The following LRBA variants were observed in gnomAD, a reference collection of about 807,000 sequenced individuals.
The protein encoded by LRBA is LPS responsive beige-like anchor protein.
Under a neutral mutation model 330.0 loss-of-function variants are expected in LRBA, and 176 were observed. That is an observed-to-expected ratio of 0.53 (90% CI 0.47 to 0.60). The LOEUF is 0.60. LRBA is among the 20% of genes least tolerant of loss of function. LRBA has a pLI of 0.00. For missense variants in LRBA, 3,259 were observed against 3,444.8 expected (o/e 0.95, Z 1.35); for synonymous variants, 1,230 against 1,193.0 (o/e 1.03, Z -0.64).
Position 150,676,291 on chromosome 4 carries a change from C to T in LRBA, c.5921+7260G>A, listed in dbSNP as rs147980189. ...CTCCAAATATATCCTTGTTTATGAC[C>T]ATTTACAGTGAAAAATTATAATCAT... On this transcript the variant is annotated intron_variant, in intron 37 of 56. Coordinates refer to ENST00000651943, the MANE Select transcript of LRBA (RefSeq NM_001364905.1). Among the ~76,000 whole-genome samples, 696 of 152,156 alleles carry T rather than the reference C, an allele frequency of 4.6e-3. 6 individuals are homozygous for T. Among genetic ancestry groups the T allele is most frequent in the African/African-American group, 0.016 (665 of 41,490 alleles).
chr4:150,363,697 T>C (rs1476924171), intron 47 of LRBA, among the ~76,000 whole-genome samples: 2 of 152,224 alleles, frequency 1.3e-5, no homozygotes, highest in Non-Finnish European at 2.9e-5. Context: ...TGTCTGCTTC[T>C]CATAATGGCA....
chr4:150,909,982 CTT>C (rs1731804323), intron 9 of LRBA, among the ~76,000 whole-genome samples: 2 of 152,186 alleles, frequency 1.3e-5, no homozygotes, highest in African/African-American at 4.8e-5. Context: ...CTACTCAACT[CTT>C]TTATGCATTT....
intron 28 of LRBA, 139 bp downstream of exon 28, chr4:150,843,961 T>A (rs1018399236): frequency 2.0e-5 from 11 of 539,504 alleles, no homozygotes; most frequent in African/African-American, 3.7e-5. Context: ...AAAATCATTG[T>A]CAAAAGAAGT....
intron 9 of LRBA, among the ~76,000 whole-genome samples, chr4:150,911,792 G>A (rs1252173475): frequency 6.6e-6 from 1 of 152,120 alleles, no homozygotes; most frequent in Non-Finnish European, 1.5e-5. Flanking sequence ...AGATGACTGA[G>A]AGCATTCTCC....
intron 56 of LRBA, among the ~76,000 whole-genome samples, chr4:150,276,794 T>C (rs945658477): frequency 2.6e-5 from 4 of 152,168 alleles, no homozygotes; most frequent in Non-Finnish European, 5.9e-5. Flanking sequence ...GGAGAGGATG[T>C]GGAGAAACAG....
At chr4:150,959,098 G>A (rs539821756) in intron 2 of LRBA, among the ~76,000 whole-genome samples, 1 of 149,442 alleles carries the variant, frequency 6.7e-6, no homozygotes, top group Admixed American at 6.6e-5. Flanking sequence ...CTGAGACTGG[G>A]TAATTTACAA....
At chr4:150,423,847 C>A (rs1249493889) in intron 46 of LRBA, among the ~76,000 whole-genome samples, 3 of 152,038 alleles carry the variant, frequency 2.0e-5, no homozygotes, top group Non-Finnish European at 4.4e-5. Flanking sequence ...CCCCCCACCG[C>A]CCGAGAATAC....
chr4:150,987,432 T>C (rs1156476521), intron 2 of LRBA, among the ~76,000 whole-genome samples: 1 of 152,140 alleles, frequency 6.6e-6, no homozygotes, highest in East Asian at 1.9e-4. Context: ...AGGCCAGATG[T>C]GGTGGCTCAC....
chr4:150,282,312 T>C, intron 55 of LRBA, 138 bp downstream of exon 55: 1 of 718,534 alleles, frequency 1.4e-6, no homozygotes, highest in Non-Finnish European at 2.4e-6. Flanking sequence ...GAGTGCTACC[T>C]AAAGATTTTT....
intron 36 of LRBA, among the ~76,000 whole-genome samples, chr4:150,694,595 T>C (rs1186029963): frequency 6.6e-6 from 1 of 151,946 alleles, no homozygotes; most frequent in East Asian, 1.9e-4. Flanking sequence ...TTTAATTCTG[T>C]AGTGATTCCT....
chr4:150,272,224 C>T (rs1746206464), intron 56 of LRBA, among the ~76,000 whole-genome samples: 1 of 152,200 alleles, frequency 6.6e-6, no homozygotes, highest in South Asian at 2.1e-4. Flanking sequence ...AGCAGAGCTG[C>T]AGCTGAGAGG....
At chr4:150,472,941 A>C (rs1282629086) in intron 42 of LRBA, among the ~76,000 whole-genome samples, 2 of 152,142 alleles carry the variant, frequency 1.3e-5, no homozygotes. Context: ...TACCATAAAC[A>C]TTCATGTATA....
chr4:150,895,526 A>ATG (rs1729968660), intron 16 of LRBA, among the ~76,000 whole-genome samples: 1 of 151,978 alleles, frequency 6.6e-6, no homozygotes. Flanking sequence ...GAGTGAGAAC[A>ATG]TGTGGTGTTT....
At chr4:150,562,693 A>T (rs1768527635) in intron 40 of LRBA, among the ~76,000 whole-genome samples, 1 of 152,200 alleles carries the variant, frequency 6.6e-6, no homozygotes, top group Non-Finnish European at 1.5e-5. Context: ...AAGACATTAA[A>T]GGCCTTCAAA....
intron 13 of LRBA, among the ~76,000 whole-genome samples, chr4:150,904,453 T>C (rs146543777): frequency 9.5e-4 from 144 of 152,080 alleles, no homozygotes; most frequent in Non-Finnish European, 1.7e-3. Context: ...AAAAAGGAAA[T>C]TGAGAAAAGT....
At chr4:150,822,467 T>C (rs1371760185) in intron 30 of LRBA, among the ~76,000 whole-genome samples, 1 of 152,116 alleles carries the variant, frequency 6.6e-6, no homozygotes, top group Non-Finnish European at 1.5e-5. Flanking sequence ...TCTAAATAAA[T>C]TATAAAAATT....
intron 9 of LRBA, among the ~76,000 whole-genome samples, chr4:150,909,371 C>T (rs560785407): frequency 1.6e-4 from 25 of 152,240 alleles, no homozygotes; most frequent in Admixed American, 2.6e-4. Flanking sequence ...TGGAATCATA[C>T]AGTATTTGTC....
At chr4:150,714,077 T>A (rs1786495294) in intron 36 of LRBA, among the ~76,000 whole-genome samples, 1 of 152,186 alleles carries the variant, frequency 6.6e-6, no homozygotes, top group South Asian at 2.1e-4. Context: ...CACAATGAGA[T>A]AAGTATAGAA....
At chr4:150,689,686 G>T (rs2126945466) in intron 36 of LRBA, among the ~76,000 whole-genome samples, 1 of 152,262 alleles carries the variant, frequency 6.6e-6, no homozygotes, top group South Asian at 2.1e-4. Flanking sequence ...AGCACTTAGG[G>T]AGGCTGTGAC....
Sources: gnomAD v4.1 joint callset for allele counts (sites outside exome capture counted in the v4.1 genomes callset) on GRCh38, gnomAD v4.1.1 for gene constraint, MANE v1.5 for transcripts, NCBI Gene and HGNC (gene_info 2026-07-23, HGNC 2026-07-21) for gene names.